Variants in AHCTF1 observed in about 807,000 individuals in gnomAD.
AHCTF1 encodes the protein AT-hook containing transcription factor 1, also known as protein ELYS.
AHCTF1 carries 24 observed loss-of-function variants against 248.4 expected under a neutral mutation model. That is an observed-to-expected ratio of 0.10 (90% CI 0.07 to 0.14). AHCTF1 has a LOEUF of 0.14. Among genes scored for constraint, AHCTF1 ranks in the 10% least tolerant of loss-of-function variants. The probability of loss-of-function intolerance (pLI) is 1.00; values close to 1 mark genes in which losing one functional copy is unlikely to be tolerated. For synonymous variants in AHCTF1, 786 were observed against 929.8 expected (o/e 0.85, Z 2.81); for missense variants, 2,206 against 2,636.2 (o/e 0.84, Z 3.57).
intron 33 of AHCTF1, among the ~76,000 whole-genome samples, chr1:246,844,869 C>T (rs1014982763): frequency 4.7e-5 from 7 of 150,166 alleles, no homozygotes; most frequent in South Asian, 4.2e-4. Flanking sequence ...TAATTACAGA[C>T]GAGCACAGTT....
intron 1 of AHCTF1, among the ~76,000 whole-genome samples, chr1:246,923,495 A>T (rs1666720948): frequency 6.6e-6 from 1 of 152,264 alleles, no homozygotes; most frequent in African/African-American, 2.4e-5. Context: ...AGTAATGGAC[A>T]AACAGGTCAA....
intron 28 of AHCTF1, among the ~76,000 whole-genome samples, chr1:246,861,644 A>T (rs1661559321): frequency 6.6e-6 from 1 of 152,200 alleles, no homozygotes; most frequent in African/African-American, 2.4e-5. Context: ...AGGTAAAAAC[A>T]AAGATAAAAG....
At chr1:246,907,297 G>A (rs556740844) in intron 5 of AHCTF1, among the ~76,000 whole-genome samples, 6 of 152,274 alleles carry the variant, frequency 3.9e-5, no homozygotes, top group African/African-American at 1.4e-4. Context: ...TTACTAGCAT[G>A]TTAAACACAT....
intron 14 of AHCTF1, among the ~76,000 whole-genome samples, 160 bp downstream of exon 14, chr1:246,894,499 C>T (rs1382054946): frequency 1.3e-5 from 2 of 152,064 alleles, no homozygotes; most frequent in South Asian, 2.1e-4. Context: ...GCCAAGATCG[C>T]GCCACTGCAC....
At chr1:246,928,248 A>G (rs1667090153) in intron 1 of AHCTF1, among the ~76,000 whole-genome samples, 1 of 149,680 alleles carries the variant, frequency 6.7e-6, no homozygotes, top group Admixed American at 6.8e-5. Flanking sequence ...CCTGGCAGTG[A>G]GCCGACATCG....
intron 24 of AHCTF1, among the ~76,000 whole-genome samples, chr1:246,868,981 A>C (rs1399581863): frequency 7.0e-6 from 1 of 142,430 alleles, no homozygotes; most frequent in Non-Finnish European, 1.5e-5. Flanking sequence ...AGTAGCTGGG[A>C]CTACAGGCGC....
rs374263217 is a variant in AHCTF1, at chr1:246,868,914, G to T, written c.3089-1103C>A. Among the ~76,000 whole-genome samples the T allele has an allele frequency of 2.0e-5, 3 of 148,000 alleles. No individual in the cohort carries two copies. In the South Asian group the frequency reaches 6.4e-4, roughly 32 times the overall value. ...GGTTGGAGTGCAGTGGTGTGATCTC[G>T]GCTCACTGCAAGTTCTGCCTCCCGG... On this transcript the variant is annotated intron_variant, in intron 24 of 35. Coordinates refer to ENST00000648844, the MANE Select transcript of AHCTF1 (RefSeq NM_001323342.2).
chr1:246,917,742 T>C (rs1004038256), intron 2 of AHCTF1, among the ~76,000 whole-genome samples: 1 of 152,206 alleles, frequency 6.6e-6, no homozygotes, highest in African/African-American at 2.4e-5. Flanking sequence ...ATATCTTTCA[T>C]TAGAACAAGA....
intron 33 of AHCTF1, among the ~76,000 whole-genome samples, chr1:246,844,821 T>TA (rs1553283136): frequency 1.8e-4 from 27 of 151,580 alleles, no homozygotes; most frequent in African/African-American, 6.3e-4. Flanking sequence ...TTTTTTTTTT[T>TA]AACTATAGGG....
chr1:246,904,686 G>A (rs780090219), intron 6 of AHCTF1, among the ~76,000 whole-genome samples: 1 of 152,194 alleles, frequency 6.6e-6, no homozygotes, highest in African/African-American at 2.4e-5. Context: ...AATCAACCCT[G>A]TAGTGAACTC....
chr1:246,852,230 T>C (rs1660759974), intron 32 of AHCTF1, among the ~76,000 whole-genome samples: 1 of 152,136 alleles, frequency 6.6e-6, no homozygotes, highest in Non-Finnish European at 1.5e-5. Context: ...CAACTCTTAT[T>C]AGCTTCCCAA....
At chr1:246,900,286 CTACACA>C in intron 9 of AHCTF1, 40 bp from the exon 10 acceptor site, 3 of 1,584,978 alleles carry the variant, frequency 1.9e-6, no homozygotes, top group Non-Finnish European at 2.6e-6. Flanking sequence ...CATTGGTCAG[CTACACA>C]TACAAATACA....
chr1:246,927,869 AGC>A (rs150768350), intron 1 of AHCTF1, among the ~76,000 whole-genome samples: 39,216 of 151,888 alleles, frequency 0.26, 5,218 homozygotes, highest in Admixed American at 0.31. Context: ...TGGGCGCGGT[AGC>A]GCGCTGTAGT....
chr1:246,914,216 T>C (rs551529844), intron 3 of AHCTF1, among the ~76,000 whole-genome samples: 4 of 152,354 alleles, frequency 2.6e-5, no homozygotes, highest in South Asian at 4.1e-4. Flanking sequence ...AGGTATGATA[T>C]ATGATAAAAT....
intron 34 of AHCTF1, 30 bp from the exon 35 acceptor site, chr1:246,842,806 T>A: frequency 6.4e-7 from 1 of 1,567,102 alleles, no homozygotes; most frequent in Non-Finnish European, 8.8e-7. Context: ...AAAGGTTAAG[T>A]ATTAAACACG....
At chr1:246,883,728 G>C (rs1377218161) in intron 21 of AHCTF1, among the ~76,000 whole-genome samples, 1 of 152,124 alleles carries the variant, frequency 6.6e-6, no homozygotes, top group African/African-American at 2.4e-5. Context: ...TTGAGTGGTT[G>C]TTTTTATTTC....
chr1:246,925,356 T>C (rs916264595), intron 1 of AHCTF1, among the ~76,000 whole-genome samples: 1 of 152,154 alleles, frequency 6.6e-6, no homozygotes, highest in African/African-American at 2.4e-5. Flanking sequence ...GAAAATGAAA[T>C]ATAGTAAATG....
chr1:246,905,735 T>A lies in AHCTF1; in HGVS notation c.765-78A>T, dbSNP rs945270435. 3.6e-6 allele frequency: 4 copies of A among 1,096,536 alleles called. No homozygotes were observed. In the East Asian group the frequency reaches 1.1e-4, roughly 29 times the overall value. The allele number at this position is 1,096,536 out of a possible 1,614,324, so 67.9% of individuals were successfully genotyped here. A position where few individuals can be genotyped will look rare whatever the true frequency, so the allele number is the denominator to read the frequency against. ...AAGGTACATCATGTAAGAACTTGGG[T>A]TAGGCAACCACTGTTCCTACACTTC... On this transcript the variant is annotated intron_variant, in intron 5 of 35. Coordinates refer to ENST00000648844, the MANE Select transcript of AHCTF1 (RefSeq NM_001323342.2).
At chr1:246,909,786 A>G (rs992304557) in intron 4 of AHCTF1, among the ~76,000 whole-genome samples, 1 of 152,202 alleles carries the variant, frequency 6.6e-6, no homozygotes, top group Admixed American at 6.5e-5. Flanking sequence ...TCCCTCGCAG[A>G]TAAGGGGGAA....
Sources: allele counts gnomAD v4.1 joint callset (sites outside exome capture counted in the v4.1 genomes callset), GRCh38; gene constraint gnomAD v4.1.1; transcripts MANE v1.5; gene names NCBI Gene and HGNC (gene_info 2026-07-23, HGNC 2026-07-21).